Variants in ZNF717 observed in about 807,000 individuals in gnomAD.
The protein encoded by ZNF717 is krueppel-like factor X17.
A neutral mutation model predicts 13.8 loss-of-function variants in ZNF717; 9 were observed. That is an observed-to-expected ratio of 0.65 (90% CI 0.39 to 1.14). The LOEUF (loss-of-function observed/expected upper bound fraction) is 1.14. Among genes scored for constraint, ZNF717 ranks in the 50% most tolerant of loss-of-function variants. The pLI is 0.01. For synonymous variants in ZNF717, 327 were observed against 364.1 expected (o/e 0.90, Z 1.16); for missense variants, 1,040 against 1,080.7 (o/e 0.96, Z 0.53).
At chr3:75,772,916 C>A (rs1466200522) in intron 2 of ZNF717, among the ~76,000 whole-genome samples, 1 of 152,176 alleles carries the variant, frequency 6.6e-6, no homozygotes, top group Admixed American at 6.5e-5. Flanking sequence ...TTTCAGACCT[C>A]CATGGATTTG....
downstream of ZNF717, among the ~76,000 whole-genome samples, chr3:75,727,156 C>T (rs373453137): frequency 0.035 from 5,366 of 152,238 alleles, 45 homozygotes; most frequent in South Asian, 0.061. Context: ...CTAATCCCGT[C>T]ATCTTCATAA....
chr3:75,770,979 T>C (rs188844880), intron 2 of ZNF717, among the ~76,000 whole-genome samples: 152 of 152,280 alleles, frequency 1.0e-3, no homozygotes, highest in Non-Finnish European at 1.6e-3. Flanking sequence ...GAGGTCATAA[T>C]AGGAACTGTC....
chr3:75,707,816 T>A (rs111731974), downstream of ZNF717, among the ~76,000 whole-genome samples: 3,458 of 152,266 alleles, frequency 0.023, 127 homozygotes, highest in African/African-American at 0.078. Context: ...CGCACATGGC[T>A]CAGAGGGTCC....
intron 2 of ZNF717, among the ~76,000 whole-genome samples, chr3:75,776,397 G>T (rs1490970695): frequency 6.6e-6 from 1 of 152,250 alleles, no homozygotes; most frequent in Admixed American, 6.5e-5. Context: ...ATTTCATTCA[G>T]TTTTCATTTT....
intron 2 of ZNF717, among the ~76,000 whole-genome samples, chr3:75,778,418 TG>T (rs1185162294): frequency 6.6e-6 from 1 of 151,292 alleles, no homozygotes; most frequent in East Asian, 2.0e-4. Flanking sequence ...GGGAGTGATG[TG>T]CTAAAACCGG....
intron 6 of ZNF717, among the ~76,000 whole-genome samples, chr3:75,699,843 T>C (rs112777319): frequency 0.11 from 10,785 of 100,496 alleles, no homozygotes; most frequent in Non-Finnish European, 0.17. Flanking sequence ...AGGATTTCTA[T>C]ATGCCAAGAG....
At chr3:75,741,827 G>C in intron 2 of ZNF717, 91 bp from the exon 3 acceptor site, 1 of 1,501,046 alleles carries the variant, frequency 6.7e-7, no homozygotes, top group East Asian at 2.3e-5. Context: ...ACTCCTCCCA[G>C]GTGAAGTGCA....
chr3:75,716,775 G>A (rs1938063705), intron 4 of ZNF717, among the ~76,000 whole-genome samples: 2 of 152,158 alleles, frequency 1.3e-5, no homozygotes, highest in Non-Finnish European at 1.5e-5. Context: ...TTGGGTTAAA[G>A]GACCACTGAC....
Position 75,739,120 on chromosome 3 carries a change from G to C in ZNF717, c.503C>G (p.Pro168Arg). The C allele has an allele frequency of 3.9e-6, 6 of 1,551,024 alleles. No homozygotes were observed. Among genetic ancestry groups the C allele is most frequent in the Non-Finnish European group, 5.2e-6 (6 of 1,146,590 alleles). Residue 168 changes from proline (P) to arginine (R), a missense_variant, in exon 5 of 5, where the codon CCT becomes CGT. Around this residue, in one of 3 missense-constraint regions of ZNF717, gnomAD observed 873 missense variants for 832.8 expected, o/e 1.05. Transcript: ENST00000652011. ...AGACTGTGTCTCCCCAGGCTTAATA[G>C]GGAAAAGCATGTTCTGGCAATCATT... The part of the protein sequence containing the change: ...QFNDCQNMLF[P>R]IKPGETQSGE...
At chr3:75,774,045 C>T (rs1944103998) in intron 2 of ZNF717, among the ~76,000 whole-genome samples, 1 of 151,324 alleles carries the variant, frequency 6.6e-6, no homozygotes, top group Non-Finnish European at 1.5e-5. Flanking sequence ...AGGGAAAATC[C>T]ATCTCAAAAA....
chr3:75,729,625 A>T (rs1428724791), downstream of ZNF717, among the ~76,000 whole-genome samples: 1 of 47,482 alleles, frequency 2.1e-5, no homozygotes, highest in East Asian at 4.9e-4. Context: ...CAAAAAAAAA[A>T]AAAAAAAAAA....
At chr3:75,711,641 T>A (rs2106837078) in intron 5 of ZNF717, among the ~76,000 whole-genome samples, 1 of 152,080 alleles carries the variant, frequency 6.6e-6, no homozygotes, top group South Asian at 2.1e-4. Context: ...ATAAAAAAAA[T>A]ACAAAAATTA....
rs1253181991 is a variant in ZNF717 at position 75,775,060 on chromosome 3, C to T, written c.57+8246G>A. ...CACTGAAGCCTCCACCTCCTGGGTT[C>T]AAGCGATTCTCCTGCCTCAGCCTCA... On this transcript the variant is annotated intron_variant, in intron 2 of 4. Transcript: ENST00000652011. 1.3e-4 allele frequency among the ~76,000 whole-genome samples: 20 copies of T among 152,164 alleles called. No individual in the cohort carries two copies. In the East Asian group the frequency reaches 3.9e-3, roughly 29 times the overall value.
chr3:75,718,183 C>A (rs78274512), intron 4 of ZNF717, among the ~76,000 whole-genome samples: 362 of 143,528 alleles, frequency 2.5e-3, no homozygotes, highest in Non-Finnish European at 3.2e-3. Context: ...ATTCTCCAGT[C>A]CAGTCAGTAG....
chr3:75,735,264 G>A (rs1939021303), downstream of ZNF717, among the ~76,000 whole-genome samples: 1 of 152,214 alleles, frequency 6.6e-6, no homozygotes, highest in Non-Finnish European at 1.5e-5. Flanking sequence ...AACTGAACTG[G>A]TATAGTGTTA....
chr3:75,781,122 T>C (rs1048846210), intron 2 of ZNF717, among the ~76,000 whole-genome samples: 1 of 152,250 alleles, frequency 6.6e-6, no homozygotes, highest in Non-Finnish European at 1.5e-5. Flanking sequence ...TAATTCTATA[T>C]ATGAGTCCTT....
Position 75,737,158 on chromosome 3 carries a change from G to A in ZNF717, c.2465C>T (p.Thr822Ile). Reference protein sequence around the residue: ...KPFECKECRKTFSQKSKLFVH... With the variant: ...KPFECKECRKIFSQKSKLFVH... ...AAAGAGTTTTGACTTCTGGGAGAAG[G>A]TTTTCCTACATTCTTTACATTCAAA... Residue 822 changes from threonine to isoleucine, a missense_variant, in exon 5 of 5, where the codon ACC becomes ATC. By Grantham distance (89) the Thr-to-Ile change is moderately conservative (BLOSUM62 -1). Around this residue, in one of 3 missense-constraint regions of ZNF717, gnomAD observed 873 missense variants for 832.8 expected, o/e 1.05. Transcript: ENST00000652011. The A allele has an allele frequency of 1.3e-6, 2 of 1,560,214 alleles. No individual in the cohort carries two copies. Among genetic ancestry groups the A allele is most frequent in the Non-Finnish European group, 1.7e-6 (2 of 1,152,354 alleles).
chr3:75,761,087 T>C (rs28692555), intron 2 of ZNF717, among the ~76,000 whole-genome samples: 1 of 130,958 alleles, frequency 7.6e-6, no homozygotes, highest in Non-Finnish European at 1.7e-5. Flanking sequence ...TACTGCATCA[T>C]GGAGAAATAA....
At chr3:75,702,641 G>T (rs1937718616) in intron 6 of ZNF717, among the ~76,000 whole-genome samples, 1 of 152,298 alleles carries the variant, frequency 6.6e-6, no homozygotes, top group African/African-American at 2.4e-5. Context: ...TATAACACAA[G>T]CTATAAATGC....
Sources: allele counts gnomAD v4.1 joint callset (sites outside exome capture counted in the v4.1 genomes callset), GRCh38; gene constraint gnomAD v4.1.1; regional missense constraint gnomAD v4.1.1; transcripts MANE v1.5; gene names NCBI Gene and HGNC (gene_info 2026-07-23, HGNC 2026-07-21).